The following THADA variants were observed in gnomAD, a reference collection of about 807,000 sequenced individuals.
THADA encodes the protein THADA armadillo repeat containing, also known as tRNA (32-2'-O)-methyltransferase regulator THADA.
THADA carries 213 observed loss-of-function variants against 219.8 expected under a neutral mutation model. The ratio of observed to expected loss-of-function variants is 0.97; its 90% CI spans 0.87 to 1.09. THADA has a LOEUF of 1.09. Ranked by LOEUF, THADA falls within the 50% of genes least tolerant of loss-of-function variation. The pLI, the probability that THADA is intolerant of heterozygous loss-of-function variation, is 0.00. For synonymous variants in THADA, 1,018 were observed against 828.9 expected, an observed-to-expected ratio of 1.23 and a Z score of -3.92; for missense variants, 2,956 against 2,311.3, an observed-to-expected ratio of 1.28 and a Z score of -5.72.
intron 20 of THADA, among the ~76,000 whole-genome samples, chr2:43,545,074 T>G (rs149356459): frequency 0.01 from 1,559 of 152,366 alleles, 31 homozygotes; most frequent in African/African-American, 0.035. Flanking sequence ...TATTGAGTTT[T>G]TAGCATGAAG....
At chr2:43,566,860 G>A (rs557945745) in intron 14 of THADA, 39 bp from the exon 15 acceptor site, 61 of 1,356,064 alleles carry the variant, frequency 4.5e-5, no homozygotes, top group Non-Finnish European at 5.1e-5. Flanking sequence ...GTATAATTAC[G>A]TCACAATAGG....
chr2:43,454,014 G>A (rs1682681614), intron 26 of THADA, among the ~76,000 whole-genome samples: 1 of 152,268 alleles, frequency 6.6e-6, no homozygotes, highest in East Asian at 1.9e-4. Flanking sequence ...AAGTAGCTAG[G>A]ACTACAGGCA....
intron 21 of THADA, among the ~76,000 whole-genome samples, chr2:43,537,711 A>T (rs547702105): frequency 3.9e-4 from 59 of 152,262 alleles, no homozygotes; most frequent in African/African-American, 1.4e-3. Context: ...TCATGCCTGT[A>T]ATCTTAGCCC....
At chr2:43,461,636 G>A (rs1402738697) in intron 26 of THADA, among the ~76,000 whole-genome samples, 2 of 152,108 alleles carry the variant, frequency 1.3e-5, no homozygotes, top group Non-Finnish European at 2.9e-5. Flanking sequence ...GAAAATACTG[G>A]AGGGGACTCA....
chr2:43,572,745 C>A, intron 12 of THADA, 69 bp downstream of exon 12: 1 of 1,401,064 alleles, frequency 7.1e-7, no homozygotes, highest in Admixed American at 2.1e-5. Context: ...ATGTAGGGGC[C>A]TCTATATTGA....
At chr2:43,234,713 G>A (rs1344221528) in intron 36 of THADA, among the ~76,000 whole-genome samples, 1 of 152,174 alleles carries the variant, frequency 6.6e-6, no homozygotes, top group Non-Finnish European at 1.5e-5. Flanking sequence ...GAGTACAGTG[G>A]CGTGATCTTG....
intron 26 of THADA, among the ~76,000 whole-genome samples, chr2:43,447,257 G>A (rs1681697115): frequency 6.6e-6 from 1 of 152,096 alleles, no homozygotes; most frequent in Non-Finnish European, 1.5e-5. Context: ...AATTCAAGAT[G>A]AGATTTGGAT....
chr2:43,373,534 T>C (rs867715898), intron 29 of THADA, among the ~76,000 whole-genome samples: 19 of 152,074 alleles, frequency 1.2e-4, no homozygotes, highest in Non-Finnish European at 7.4e-5. Flanking sequence ...TGGAGTACAG[T>C]GGCACGATTT....
At chr2:43,256,886 G>A (rs1189863319) in intron 36 of THADA, among the ~76,000 whole-genome samples, 5 of 152,228 alleles carry the variant, frequency 3.3e-5, no homozygotes, top group African/African-American at 1.2e-4. Context: ...GCCAACATTC[G>A]TTTTTATTCA....
chr2:43,410,725 G>C (rs541808022), intron 28 of THADA, among the ~76,000 whole-genome samples: 2 of 152,112 alleles, frequency 1.3e-5, no homozygotes, highest in South Asian at 2.1e-4. Context: ...CATTGCCAGG[G>C]AGGTGGGGGA....
At chr2:43,523,768 T>C (rs752185276) in intron 22 of THADA, among the ~76,000 whole-genome samples, 1 of 152,234 alleles carries the variant, frequency 6.6e-6, no homozygotes, top group Non-Finnish European at 1.5e-5. Context: ...CTGCAATAAA[T>C]ATCTGTAGAT....
At chr2:43,567,381 G>A (rs938835024) in intron 14 of THADA, among the ~76,000 whole-genome samples, 2 of 152,164 alleles carry the variant, frequency 1.3e-5, no homozygotes, top group African/African-American at 4.8e-5. Flanking sequence ...TGTAATCCCA[G>A]CACTTTGGGA....
intron 29 of THADA, among the ~76,000 whole-genome samples, chr2:43,374,195 T>C (rs545643475): frequency 4.6e-5 from 7 of 152,356 alleles, no homozygotes; most frequent in African/African-American, 1.7e-4. Flanking sequence ...ATCAAAAACA[T>C]GTAATATTCT....
At chr2:43,482,848 G>A (rs985171591) in intron 26 of THADA, among the ~76,000 whole-genome samples, 1 of 152,146 alleles carries the variant, frequency 6.6e-6, no homozygotes, top group African/African-American at 2.4e-5. Context: ...ATATGTTAAA[G>A]AAAATGAACT....
chr2:43,369,209 G>A (rs963587888), intron 29 of THADA, among the ~76,000 whole-genome samples: 3 of 152,124 alleles, frequency 2.0e-5, no homozygotes, highest in African/African-American at 4.8e-5. Context: ...AGAGTCTCCC[G>A]TTGTGTCTGC....
chr2:43,489,051 C>G (rs534898680), intron 25 of THADA, among the ~76,000 whole-genome samples: 2 of 152,160 alleles, frequency 1.3e-5, no homozygotes, highest in Non-Finnish European at 2.9e-5. Context: ...ATTCTGGACA[C>G]TCCACTCTTA....
chr2:43,485,393 C>A, intron 25 of THADA, 68 bp from the exon 26 acceptor site: 1 of 1,094,578 alleles, frequency 9.1e-7, no homozygotes, highest in South Asian at 1.3e-5. Flanking sequence ...TTACAATGTT[C>A]AAACTAGATA....
chr2:43,530,790 T>C (rs1335312899), intron 21 of THADA, among the ~76,000 whole-genome samples: 3 of 152,176 alleles, frequency 2.0e-5, no homozygotes, highest in Admixed American at 6.5e-5. Flanking sequence ...AAAAAGCATA[T>C]AATAAAAATC....
At chr2:43,383,714 T>C (rs2104664400) in intron 29 of THADA, among the ~76,000 whole-genome samples, 1 of 152,304 alleles carries the variant, frequency 6.6e-6, no homozygotes, top group East Asian at 1.9e-4. Flanking sequence ...GCTGATTCTG[T>C]GGTCCAGAAC....
Sources: gnomAD v4.1 joint callset for allele counts (sites outside exome capture counted in the v4.1 genomes callset) on GRCh38, gnomAD v4.1.1 for gene constraint, MANE v1.5 for transcripts, NCBI Gene and HGNC (gene_info 2026-07-23, HGNC 2026-07-21) for gene names.